Variants in FAN1 observed in about 807,000 individuals in gnomAD.
The protein encoded by FAN1 is FANCD2 and FANCI associated nuclease 1, also known as fanconi-associated nuclease 1.
In FAN1, 91 loss-of-function variants were observed where a neutral mutation model predicts 104.9. The observed-to-expected ratio is 0.87, with a 90% CI of 0.73 to 1.03. FAN1 has a LOEUF of 1.03. Among genes scored for constraint, FAN1 ranks in the 50% least tolerant of loss-of-function variants. The probability of loss-of-function intolerance (pLI) is 0.00; values close to 1 mark genes in which losing one functional copy is unlikely to be tolerated. For missense variants in FAN1, 1,263 were observed against 1,239.9 expected (o/e 1.02, Z -0.28); for synonymous variants, 478 against 457.6 (o/e 1.04, Z -0.57).
chr15:30,929,832 A>AATATAATATATAAAATATATATCAT (rs1566930662), intron 12 of FAN1, among the ~76,000 whole-genome samples: 2 of 65,482 alleles, frequency 3.1e-5, no homozygotes, highest in Non-Finnish European at 5.0e-5. Flanking sequence ...TATCATATAT[A>AATATAATATATAAAATATATATCAT]ATATAATATA....
rs776132768 is a variant in FAN1 at position 30,925,824 on chromosome 15, G to A, written c.2373G>A (p.Gly791=). The A allele has an allele frequency of 1.2e-6, 2 of 1,614,204 alleles. No individual in the cohort carries two copies. The highest frequency in any genetic ancestry group is 1.7e-6 in the Non-Finnish European group (2 of 1,180,040). The change falls in exon 10 of 15, where the codon GGG becomes GGA. Residue 791 remains glycine, a synonymous_variant. Coordinates refer to ENST00000362065, the MANE Select transcript of FAN1 (RefSeq NM_014967.5). ...TITGRLCPQR[G]MCKSVFVMEA... is the part of the protein sequence containing the mutation. ...CAGGCAGGCTGTGCCCACAGCGTGG[G>A]ATGTGCAAGTCTGTGTTTGTGATGG...
At chr15:30,910,988 T>G (rs1176965455) in intron 4 of FAN1, 173 bp downstream of exon 4, 2 of 1,318,240 alleles carry the variant, frequency 1.5e-6, no homozygotes, top group African/African-American at 3.0e-5. Flanking sequence ...GGGTTATTAT[T>G]CAAAATTTTT....
chr15:30,923,387 A>G (rs144834183), intron 8 of FAN1, among the ~76,000 whole-genome samples: 202 of 152,290 alleles, frequency 1.3e-3, no homozygotes, highest in African/African-American at 4.6e-3. Context: ...ATAAAAGTTC[A>G]AGAGAGTACA....
Position 30,942,235 on chromosome 15 carries a change from CTGGAATTACACTTTTTTA to C in FAN1, c.*676_*693del. 1 of 888,340 alleles carries C rather than the reference CTGGAATTACACTTTTTTA, an allele frequency of 1.1e-6. No individual in the cohort carries two copies. Among genetic ancestry groups the C allele is most frequent in the African/African-American group, 1.7e-5 (1 of 59,754 alleles). 55.0% of individuals were successfully genotyped at this position (888,340 alleles called of 1,614,324 possible). A position where few individuals can be genotyped will look rare whatever the true frequency, so the allele number is the denominator to read the frequency against. Reference sequence around the variant, plus strand: ...GTGTCCTTATTCTAATCCTCCTCCCCTGGAATTACACTTTTTTATGTGTTGACTCTACCTAGGCTGTTA... The same window carrying C: ...GTGTCCTTATTCTAATCCTCCTCCCCTGTGTTGACTCTACCTAGGCTGTTA... On this transcript the variant is annotated 3_prime_UTR_variant, in exon 15 of 15. Transcript: ENST00000362065.
rs534738464 is a variant in FAN1 at position 30,942,150 on chromosome 15, T to G, written c.*588T>G. On this transcript the variant is annotated 3_prime_UTR_variant, in exon 15 of 15. Transcript: ENST00000362065. ...GAAGGATGCAATGGCAAATATAAAC[T>G]CAATACTATGAAAAATTAATGGAAT... 2.9e-5 allele frequency: 42 copies of G among 1,446,296 alleles called. 1 individual carries two copies. The African/African-American group carries it at 3.8e-4, about 13-fold the overall frequency. 89.6% of individuals were successfully genotyped at this position (1,446,296 alleles called of 1,614,324 possible). A position where few individuals can be genotyped will look rare whatever the true frequency, so the allele number is the denominator to read the frequency against.
At chr15:30,933,841 G>T (rs1164783965) in intron 13 of FAN1, among the ~76,000 whole-genome samples, 1 of 151,822 alleles carries the variant, frequency 6.6e-6, no homozygotes, top group African/African-American at 2.4e-5. Flanking sequence ...GATCGCTGCA[G>T]CCTTGATCTC....
intron 14 of FAN1, chr15:30,941,348 C>A: frequency 6.5e-7 from 1 of 1,534,706 alleles, no homozygotes. Flanking sequence ...AATATTAGTG[C>A]AAATTCCAAC....
In FAN1 at chr15:30,905,208, A is replaced by T; in HGVS notation, c.545A>T (p.Gln182Leu). The T allele has an allele frequency of 6.2e-7, 1 of 1,613,872 alleles. No homozygotes were observed. The highest frequency in any genetic ancestry group is 8.5e-7 in the Non-Finnish European group (1 of 1,179,956). ...KDEEFAGSSP[Q>L]SSKSTVVKSL... is the part of the protein sequence containing the mutation. ...GAAGAATTTGCCGGTTCTAGTCCACAGAGTTCCAAATCCACAGTTGTTAAG... is the reference window on the plus strand; with the variant it reads ...GAAGAATTTGCCGGTTCTAGTCCACTGAGTTCCAAATCCACAGTTGTTAAG... Residue 182 changes from glutamine (Q) to leucine (L), a missense_variant, in exon 2 of 15, where the codon CAG (glutamine) becomes CTG (leucine). By Grantham distance (113) the Gln-to-Leu change is moderately radical. This residue lies in a region of FAN1 where 682 missense variants were observed against 571.1 expected (regional missense o/e 1.19). Transcript: ENST00000362065.
At chr15:30,940,329 C>T in intron 14 of FAN1, 1 of 985,428 alleles carries the variant, frequency 1.0e-6, no homozygotes, top group Non-Finnish European at 1.2e-6. Flanking sequence ...GCTCATTCTC[C>T]TCAACTTTGC....
At chr15:30,939,605 AC>A (rs2140978925) in intron 14 of FAN1, 1 of 929,228 alleles carries the variant, frequency 1.1e-6, no homozygotes, top group Non-Finnish European at 1.3e-6. Flanking sequence ...TATTAATAGT[AC>A]CTAATATTTT....
chr15:30,927,369 G>A (rs1482351410), intron 10 of FAN1: 1 of 985,404 alleles, frequency 1.0e-6, no homozygotes, highest in Non-Finnish European at 1.2e-6. Flanking sequence ...AAGTCCTCCT[G>A]GAAGACTTGG....
At position 30,905,043 on chromosome 15, in the gene FAN1, C is replaced by T. The variant is rs770245769; in HGVS notation, c.380C>T (p.Pro127Leu). 4 of 1,613,974 alleles carry T rather than the reference C, an allele frequency of 2.5e-6. No homozygotes were observed. Among genetic ancestry groups the T allele is most frequent in the Admixed American group, 1.7e-5 (1 of 60,024 alleles). ...AGGGAAGTAAAGCAGAAGATCAGTC[C>T]CTACTTTAAAAGTAATGATGTGGTG... is the stretch of plus-strand genomic sequence containing the variant. ...AKREVKQKIS[P>L]YFKSNDVVCK... The change falls in exon 2 of 15, where the codon CCC becomes CTC. Residue 127 changes from proline (P) to leucine (L), a missense_variant. This residue lies in a region of FAN1 where 682 missense variants were observed against 571.1 expected (regional missense o/e 1.19). Transcript: ENST00000362065.
intron 14 of FAN1, chr15:30,941,234 C>T (rs1401775221): frequency 7.0e-7 from 1 of 1,424,390 alleles, no homozygotes; most frequent in Non-Finnish European, 9.3e-7. Flanking sequence ...ACAGTTTGAT[C>T]ACGGTTACAA....
At chr15:30,932,400 ACTTTT>A (rs1054998912) in intron 13 of FAN1, among the ~76,000 whole-genome samples, 24 of 152,122 alleles carry the variant, frequency 1.6e-4, no homozygotes, top group Non-Finnish European at 7.4e-5. Flanking sequence ...ATTGAGCTGT[ACTTTT>A]CTTTTCTTAT....
chr15:30,912,824 G>T (rs1370014085), intron 4 of FAN1, among the ~76,000 whole-genome samples: 2 of 152,152 alleles, frequency 1.3e-5, no homozygotes, highest in African/African-American at 4.8e-5. Context: ...TTACAGGACA[G>T]CCCCTGACAA....
chr15:30,929,064 C>T, intron 11 of FAN1, 139 bp from the exon 12 acceptor site: 1 of 811,100 alleles, frequency 1.2e-6, no homozygotes, highest in Non-Finnish European at 1.9e-6. Context: ...GCTTTTATAT[C>T]AATTAACTTT....
Position 30,929,728 on chromosome 15 carries a change from TATATA to T in FAN1, c.2787+337_2787+341del, listed in dbSNP as rs1466476768. 3.2e-3 allele frequency among the ~76,000 whole-genome samples: 136 copies of T among 42,544 alleles called. 3 individuals carry two copies. The highest frequency in any genetic ancestry group is 7.4e-3 in the Middle Eastern group (1 of 136). The allele number at this position is 42,544 out of a possible 152,430, so 27.9% of individuals were successfully genotyped here. A position where few individuals can be genotyped will look rare whatever the true frequency, so the allele number is the denominator to read the frequency against. On this transcript the variant is annotated intron_variant, in intron 12 of 14. Coordinates refer to ENST00000362065, the MANE Select transcript of FAN1 (RefSeq NM_014967.5). ...TATATCATATATAATATATATAAAA[TATATA>T]ATATATTATATCATATATAATATAA...
Position 30,937,204 on chromosome 15 carries a change from T to TA in FAN1, c.3003dup (p.Glu1002ArgfsTer11), listed in dbSNP as rs747007177. 2 of 1,614,084 alleles carry TA rather than the reference T, an allele frequency of 1.2e-6. No homozygotes were observed. Among genetic ancestry groups the TA allele is most frequent in the South Asian group, 2.2e-5 (2 of 91,070 alleles). ...GAACTGCAGAAGCTGGGGGCTGAAG[T>TA]AGAAGTCTGCCATGTGGTTGCAGTT... On this transcript the variant is annotated frameshift_variant, in exon 14 of 15. Transcript: ENST00000362065. LOFTEE classifies it high-confidence loss of function.
rs561129086 is a variant in FAN1 at position 30,928,751 on chromosome 15, C to G, written c.2592+95C>G. 52 of 1,585,592 alleles carry G rather than the reference C, an allele frequency of 3.3e-5. No homozygotes were observed. In the African/African-American group the frequency reaches 6.1e-4, roughly 18 times the overall value. ...CCGTGTGTCCACAGCCAGCAGAAAC[C>G]ATCTCTGTTACGGTCCTTTGGGTCA... On this transcript the variant is annotated intron_variant, in intron 11 of 14. Coordinates refer to ENST00000362065, the MANE Select transcript of FAN1 (RefSeq NM_014967.5).
Sources: gnomAD v4.1 joint callset for allele counts (sites outside exome capture counted in the v4.1 genomes callset) on GRCh38, gnomAD v4.1.1 for gene constraint, gnomAD v4.1.1 regional missense constraint, MANE v1.5 for transcripts, NCBI Gene and HGNC (gene_info 2026-07-23, HGNC 2026-07-21) for gene names.